MAP2K3: variants seen among roughly 807,000 people sequenced by gnomAD.
MAP2K3 encodes the protein dual specificity mitogen-activated protein kinase kinase 3.
In MAP2K3, 30 loss-of-function variants were observed where a neutral mutation model predicts 46.4. That is an observed-to-expected ratio of 0.65 (90% CI 0.48 to 0.88). MAP2K3 has a LOEUF of 0.88. MAP2K3 is among the 40% of genes least tolerant of loss of function. The pLI is 0.00. For synonymous variants in MAP2K3, 189 were observed against 176.3 expected (o/e 1.07, Z -0.57); for missense variants, 380 against 464.5 (o/e 0.82, Z 1.67).
chr17:21,307,934 CAA>C (rs1976978641), intron 9 of MAP2K3, among the ~76,000 whole-genome samples: 1 of 149,324 alleles, frequency 6.7e-6, no homozygotes, highest in African/African-American at 2.5e-5. Flanking sequence ...CAGCTCACTG[CAA>C]CCTCTGCCTC....
intron 9 of MAP2K3, among the ~76,000 whole-genome samples, chr17:21,308,756 T>C (rs5028753): frequency 8.2e-3 from 998 of 122,450 alleles, no homozygotes; most frequent in East Asian, 0.03. Context: ...TTAGAGACCC[T>C]GCTCATGACT....
At chr17:21,290,599 CTGA>C (rs1975866066) in intron 1 of MAP2K3, among the ~76,000 whole-genome samples, 1 of 152,310 alleles carries the variant, frequency 6.6e-6, no homozygotes, top group Non-Finnish European at 1.5e-5. Flanking sequence ...GAATTTGAAC[CTGA>C]TGTCTGTGCT....
At chr17:21,302,021 T>A in intron 5 of MAP2K3, 122 bp from the exon 6 acceptor site, 1 of 952,284 alleles carries the variant, frequency 1.1e-6, no homozygotes, top group Non-Finnish European at 1.7e-6. Flanking sequence ...GAACTGTGGC[T>A]GAGTGGGTGG....
chr17:21,295,900 G>A (rs1288865562), intron 1 of MAP2K3: 6 of 1,269,906 alleles, frequency 4.7e-6, no homozygotes, highest in Non-Finnish European at 6.2e-6. Flanking sequence ...GGTGTGGCGT[G>A]GACCCCACAG....
intron 3 of MAP2K3, 173 bp from the exon 4 acceptor site, chr17:21,300,372 A>G (rs1976523987): frequency 1.5e-6 from 1 of 678,010 alleles, no homozygotes; most frequent in Non-Finnish European, 2.6e-6. Flanking sequence ...CGTGAGGCTC[A>G]GAGAGGTTAA....
At chr17:21,295,467 C>G (rs1976185548) in intron 1 of MAP2K3, among the ~76,000 whole-genome samples, 1 of 151,150 alleles carries the variant, frequency 6.6e-6, no homozygotes, top group African/African-American at 2.5e-5. Flanking sequence ...CCGAGAGCCT[C>G]TGTTTGTTGT....
At chr17:21,293,733 C>T (rs1417894952) in intron 1 of MAP2K3, among the ~76,000 whole-genome samples, 1 of 152,308 alleles carries the variant, frequency 6.6e-6, no homozygotes, top group Non-Finnish European at 1.5e-5. Flanking sequence ...CCTCCTCACC[C>T]TAGCCTGCTG....
chr17:21,302,948 G>C (rs1197047296), intron 6 of MAP2K3, among the ~76,000 whole-genome samples: 2 of 152,308 alleles, frequency 1.3e-5, no homozygotes, highest in Non-Finnish European at 2.9e-5. Context: ...CTCCCTGGGA[G>C]GTGAGCCCGG....
At chr17:21,301,823 G>C (rs1331482387) in intron 5 of MAP2K3, among the ~76,000 whole-genome samples, 1 of 152,306 alleles carries the variant, frequency 6.6e-6, no homozygotes, top group Non-Finnish European at 1.5e-5. Context: ...TGTTGCCATG[G>C]AGCTGGTGCA....
intron 8 of MAP2K3, 38 bp downstream of exon 8, chr17:21,304,591 T>C: frequency 6.2e-7 from 1 of 1,613,878 alleles, no homozygotes; most frequent in South Asian, 1.1e-5. Flanking sequence ...CAGGAGAGGA[T>C]GGGGCGGGGA....
chr17:21,294,426 G>A (rs1235254150), intron 1 of MAP2K3, among the ~76,000 whole-genome samples: 1 of 152,312 alleles, frequency 6.6e-6, no homozygotes, highest in African/African-American at 2.4e-5. Flanking sequence ...GCTGCAAGGA[G>A]GGGTTGTCAT....
At chr17:21,304,152 T>C (rs1976758654) in intron 7 of MAP2K3, among the ~76,000 whole-genome samples, 1 of 152,308 alleles carries the variant, frequency 6.6e-6, no homozygotes, top group Non-Finnish European at 1.5e-5. Flanking sequence ...GCAAAGCACC[T>C]GGAGTCCTGC....
chr17:21,312,082 T>C, intron 9 of MAP2K3, 60 bp from the exon 10 acceptor site: 1 of 1,445,112 alleles, frequency 6.9e-7, no homozygotes, highest in East Asian at 2.7e-5. Flanking sequence ...CCCTCGCTCC[T>C]GGGTGCAGAG....
At chr17:21,294,075 C>G (rs1030992150) in intron 1 of MAP2K3, among the ~76,000 whole-genome samples, 6 of 152,428 alleles carry the variant, frequency 3.9e-5, no homozygotes, top group African/African-American at 1.2e-4. Context: ...CGTCGAGGTA[C>G]ATCTGCCCAC....
Position 21,298,382 on chromosome 17 carries a change from G to A in MAP2K3, c.50-31G>A, listed in dbSNP as rs770382036. On this transcript the variant is annotated intron_variant, in intron 1 of 11. Coordinates refer to ENST00000342679, the MANE Select transcript of MAP2K3 (RefSeq NM_145109.3). Reference sequence around the variant, plus strand: ...CAGGGGACATTGATGTCAAGGGATAGGCCAGACGCCTCACCTTCTCTCCAT... The same window carrying A: ...CAGGGGACATTGATGTCAAGGGATAAGCCAGACGCCTCACCTTCTCTCCAT... 6.8e-6 allele frequency: 11 copies of A among 1,614,112 alleles called. No individual in the cohort carries two copies. In the African/African-American group the frequency reaches 1.5e-4, roughly 22 times the overall value.
chr17:21,292,539 A>AT (rs1230093117), intron 1 of MAP2K3, among the ~76,000 whole-genome samples: 1 of 152,302 alleles, frequency 6.6e-6, no homozygotes, highest in African/African-American at 2.4e-5. Flanking sequence ...GTTTTGTTTT[A>AT]TTTTTTGTAG....
chr17:21,307,044 C>T (rs1976921674), intron 9 of MAP2K3, among the ~76,000 whole-genome samples: 2 of 152,312 alleles, frequency 1.3e-5, no homozygotes, highest in African/African-American at 2.4e-5. Context: ...CCTCGGCCTC[C>T]CAAAGTGCTG....
intron 7 of MAP2K3, among the ~76,000 whole-genome samples, chr17:21,303,769 A>G (rs1044438733): frequency 1.3e-5 from 2 of 152,308 alleles, no homozygotes; most frequent in African/African-American, 4.8e-5. Context: ...GCACAAGTCT[A>G]TTTTTCCAGA....
chr17:21,294,138 C>G (rs1041586998), intron 1 of MAP2K3, among the ~76,000 whole-genome samples: 1 of 152,310 alleles, frequency 6.6e-6, no homozygotes, highest in African/African-American at 2.4e-5. Context: ...TGCCATGGAG[C>G]GCATTGGCCT....
Sources: allele counts gnomAD v4.1 joint callset (sites outside exome capture counted in the v4.1 genomes callset), GRCh38; gene constraint gnomAD v4.1.1; transcripts MANE v1.5; gene names NCBI Gene and HGNC (gene_info 2026-07-23, HGNC 2026-07-21).